The following MAL variants were observed in gnomAD, a reference collection of about 807,000 sequenced individuals.
The protein encoded by MAL is myelin and lymphocyte protein.
A neutral mutation model predicts 16.7 loss-of-function variants in MAL; 5 were observed. The observed-to-expected ratio is 0.30, with a 90% CI of 0.16 to 0.63. The LOEUF is 0.63. Among genes scored for constraint, MAL ranks in the 30% least tolerant of loss-of-function variants. MAL has a pLI of 0.82. For missense variants in MAL, 202 were observed against 195.8 expected (o/e 1.03, Z -0.19); for synonymous variants, 96 against 85.5 (o/e 1.12, Z -0.67).
chr2:95,027,757 G>C lies in MAL; in HGVS notation c.93+1872G>C, dbSNP rs568994146. 2.0e-5 allele frequency among the ~76,000 whole-genome samples: 3 copies of C among 152,300 alleles called. No individual in the cohort carries two copies. The East Asian group carries it at 5.8e-4, about 29-fold the overall frequency. Reference sequence around the variant, plus strand: ...GACGGAGTCTCGCTCTGTCGCCCAGGCTGGAGTGCAGTGGCGCGATCTTGG... The same window carrying C: ...GACGGAGTCTCGCTCTGTCGCCCAGCCTGGAGTGCAGTGGCGCGATCTTGG... On this transcript the variant is annotated intron_variant, in intron 1 of 3. Coordinates refer to ENST00000309988, the MANE Select transcript of MAL (RefSeq NM_002371.4).
intron 3 of MAL, among the ~76,000 whole-genome samples, chr2:95,050,778 A>G (rs1204757479): frequency 6.6e-6 from 1 of 152,128 alleles, no homozygotes; most frequent in Non-Finnish European, 1.5e-5. Context: ...GCATCCCCCC[A>G]GGGGTCCCGC....
intron 1 of MAL, among the ~76,000 whole-genome samples, chr2:95,027,710 T>C (rs1673976453): frequency 6.6e-6 from 1 of 152,176 alleles, no homozygotes; most frequent in South Asian, 2.1e-4. Context: ...GTTTTTGTTT[T>C]TGTTTTTGTT....
At chr2:95,033,424 G>A (rs898281315) in intron 1 of MAL, among the ~76,000 whole-genome samples, 4 of 152,056 alleles carry the variant, frequency 2.6e-5, no homozygotes, top group African/African-American at 7.2e-5. Flanking sequence ...TTTCAGTGGC[G>A]GGCCAGGGAG....
At chr2:95,031,287 C>G (rs1239494569) in intron 1 of MAL, among the ~76,000 whole-genome samples, 1 of 152,180 alleles carries the variant, frequency 6.6e-6, no homozygotes, top group African/African-American at 2.4e-5. Context: ...CCCTGCCCAC[C>G]TGGCAGCTCT....
At chr2:95,046,407 G>A (rs1674585823) in intron 1 of MAL, among the ~76,000 whole-genome samples, 1 of 152,192 alleles carries the variant, frequency 6.6e-6, no homozygotes, top group Admixed American at 6.5e-5. Flanking sequence ...TTCTTACTGG[G>A]TGGGGGTGGC....
chr2:95,048,551 GCTCCTC>G (rs1674642315), intron 2 of MAL, among the ~76,000 whole-genome samples: 4 of 152,244 alleles, frequency 2.6e-5, no homozygotes, highest in Non-Finnish European at 4.4e-5. Context: ...TTACTGTCCA[GCTCCTC>G]AGCCACTGCC....
intron 3 of MAL, among the ~76,000 whole-genome samples, chr2:95,050,222 A>C (rs1674687853): frequency 6.6e-6 from 1 of 152,214 alleles, no homozygotes; most frequent in South Asian, 2.1e-4. Context: ...GTGGTCGTCC[A>C]TTGAAGCATC....
intron 1 of MAL, among the ~76,000 whole-genome samples, chr2:95,040,709 A>C (rs1403457931): frequency 6.6e-6 from 1 of 152,180 alleles, no homozygotes; most frequent in Non-Finnish European, 1.5e-5. Context: ...CAGTCCTCCC[A>C]GCAGACGGGG....
chr2:95,053,512 T>G lies in MAL; in HGVS notation c.*57T>G, dbSNP rs1034920879. 10 of 1,351,950 alleles carry G rather than the reference T, an allele frequency of 7.4e-6. No homozygotes were observed. Among genetic ancestry groups the G allele is most frequent in the African/African-American group, 2.9e-5 (2 of 69,312 alleles). The allele number at this position is 1,351,950 out of a possible 1,614,324, so 83.7% of individuals were successfully genotyped here. A position where few individuals can be genotyped will look rare whatever the true frequency, so the allele number is the denominator to read the frequency against. On this transcript the variant is annotated 3_prime_UTR_variant, in exon 4 of 4. Transcript: ENST00000309988. ...ATGGTGTTAACTGGCCGCCCCACTT[T>G]CCGGCATAACTTTTTAGAAAACAGA...
intron 1 of MAL, among the ~76,000 whole-genome samples, chr2:95,038,814 GAC>G (rs1674340893): frequency 6.6e-6 from 1 of 151,814 alleles, no homozygotes; most frequent in South Asian, 2.1e-4. Context: ...GTGACCGAGT[GAC>G]TGAGTGAGTG....
intron 1 of MAL, 92 bp from the exon 2 acceptor site, chr2:95,047,867 C>T: frequency 7.7e-7 from 1 of 1,295,194 alleles, no homozygotes; most frequent in Non-Finnish European, 1.1e-6. Context: ...TGTTTTTGCA[C>T]TCCAGTCACC....
intron 1 of MAL, among the ~76,000 whole-genome samples, chr2:95,038,768 CTGAGTGAGTGAGCAAG>C (rs1450312244): frequency 7.5e-6 from 1 of 133,000 alleles, no homozygotes; most frequent in African/African-American, 2.9e-5. Context: ...GAGTGAGTGA[CTGAGTGAGTGAGCAAG>C]TGAGTGAGTG....
chr2:95,048,598 A>C (rs1389399069), intron 2 of MAL, among the ~76,000 whole-genome samples: 2 of 152,188 alleles, frequency 1.3e-5, no homozygotes, highest in Non-Finnish European at 2.9e-5. Context: ...GAGCACTGGG[A>C]AACAGAAGCG....
In MAL at chr2:95,049,578, T is replaced by C; in HGVS notation, c.262-3T>C. Reference sequence around the variant, plus strand: ...TCCCTCTGACACCCCGTCTGCCCCATAGGACGCAGCCTACCACTGCACCGC... The same window carrying C: ...TCCCTCTGACACCCCGTCTGCCCCACAGGACGCAGCCTACCACTGCACCGC... On this transcript the variant is annotated splice_region_variant and splice_polypyrimidine_tract_variant and intron_variant, in intron 2 of 3. Transcript: ENST00000309988. 1 of 1,614,082 alleles carries C rather than the reference T, an allele frequency of 6.2e-7. No homozygotes were observed. The highest frequency in any genetic ancestry group is 8.5e-7 in the Non-Finnish European group (1 of 1,179,982).
intron 1 of MAL, 121 bp downstream of exon 1, chr2:95,026,006 C>A (rs1036447782): frequency 1.2e-6 from 1 of 849,286 alleles, no homozygotes; most frequent in Non-Finnish European, 1.8e-6. Context: ...ATCGGGGCAG[C>A]AGGCGCAGGG....
At chr2:95,035,791 T>A (rs1674190509) in intron 1 of MAL, among the ~76,000 whole-genome samples, 1 of 151,046 alleles carries the variant, frequency 6.6e-6, no homozygotes, top group South Asian at 2.1e-4. Flanking sequence ...TGCCTCAGCC[T>A]CCTGAGTAGC....
intron 1 of MAL, among the ~76,000 whole-genome samples, chr2:95,043,333 C>T (rs932723302): frequency 2.0e-5 from 3 of 152,256 alleles, no homozygotes; most frequent in African/African-American, 7.2e-5. Context: ...ACAACTTATT[C>T]CCAGGTATTG....
At chr2:95,041,189 G>A (rs946539178) in intron 1 of MAL, among the ~76,000 whole-genome samples, 2 of 152,194 alleles carry the variant, frequency 1.3e-5, no homozygotes, top group African/African-American at 4.8e-5. Flanking sequence ...CAGCCACAGG[G>A]AATGGAAACT....
chr2:95,046,867 A>G (rs1674597243), intron 1 of MAL, among the ~76,000 whole-genome samples: 1 of 151,240 alleles, frequency 6.6e-6, no homozygotes, highest in Admixed American at 6.6e-5. Flanking sequence ...GAGAGAGAGA[A>G]AGAGAAAGGG....
Sources: allele counts gnomAD v4.1 joint callset (sites outside exome capture counted in the v4.1 genomes callset), GRCh38; gene constraint gnomAD v4.1.1; transcripts MANE v1.5; gene names NCBI Gene and HGNC (gene_info 2026-07-23, HGNC 2026-07-21).